CFAP54: variants seen among roughly 807,000 people sequenced by gnomAD.
CFAP54 encodes the protein cilia- and flagella-associated protein 54.
A neutral mutation model predicts 370.4 loss-of-function variants in CFAP54; 290 were observed. The observed-to-expected ratio is 0.78, with a 90% CI of 0.71 to 0.86. CFAP54 has a LOEUF of 0.86. CFAP54 is among the 40% of genes least tolerant of loss of function. CFAP54 has a pLI of 0.00. For synonymous variants in CFAP54, 1,206 were observed against 1,236.5 expected (o/e 0.98, Z 0.52); for missense variants, 3,399 against 3,528.7 (o/e 0.96, Z 0.93).
intron 38 of CFAP54, among the ~76,000 whole-genome samples, chr12:96,662,712 T>A (rs1957009079): frequency 6.6e-6 from 1 of 152,070 alleles, no homozygotes; most frequent in Non-Finnish European, 1.5e-5. Flanking sequence ...CCAGGCAGGT[T>A]TTCACCGCAC....
chr12:96,541,774 T>C (rs1315293871), intron 14 of CFAP54, among the ~76,000 whole-genome samples: 1 of 152,196 alleles, frequency 6.6e-6, no homozygotes, highest in Non-Finnish European at 1.5e-5. Context: ...TCTCCTTTTC[T>C]ATTTTCTTTC....
intron 48 of CFAP54, among the ~76,000 whole-genome samples, chr12:96,716,333 T>G (rs761974343): frequency 1.3e-5 from 2 of 152,274 alleles, no homozygotes; most frequent in Non-Finnish European, 2.9e-5. Context: ...TCAGGGATTT[T>G]GCTGGAAGCA....
chr12:96,741,961 A>G (rs1314418234), intron 51 of CFAP54, among the ~76,000 whole-genome samples: 1 of 152,210 alleles, frequency 6.6e-6, no homozygotes, highest in Non-Finnish European at 1.5e-5. Context: ...CAACTGTAAA[A>G]TGGAAATGAT....
At chr12:96,602,158 C>T (rs921075695) in intron 26 of CFAP54, among the ~76,000 whole-genome samples, 7 of 55,848 alleles carry the variant, frequency 1.3e-4, no homozygotes, top group African/African-American at 3.3e-4. Flanking sequence ...TATGTTTTGT[C>T]TTTGTTCCAT....
intron 43 of CFAP54, 132 bp downstream of exon 43, chr12:96,689,114 C>T (rs1466395555): frequency 9.5e-6 from 5 of 526,442 alleles, no homozygotes; most frequent in Admixed American, 3.6e-5. Context: ...ATGACAAGCC[C>T]GTCTTTCTCT....
rs115230871 is a variant in CFAP54 at position 96,743,885 on chromosome 12, G to A, written c.7532G>A (p.Arg2511Gln). 17 of 1,613,210 alleles carry A rather than the reference G, an allele frequency of 1.1e-5. No individual in the cohort carries two copies. The highest frequency in any genetic ancestry group is 1.7e-4 in the Middle Eastern group (1 of 6,054). Residue 2511 changes from arginine to glutamine, a missense_variant, in exon 54 of 68, where the codon CGG becomes CAG. Physicochemically the swap from Arg to Gln is conservative, Grantham distance 43. Around this residue, in one of 3 missense-constraint regions of CFAP54, gnomAD observed 2,796 missense variants for 2,869.7 expected, o/e 0.97. Transcript: ENST00000524981. ...SKTGKLNLLT[R>Q]AHSILTEQML... The stretch of plus-strand genomic sequence containing the variant: ...ACAGGAAAATTAAATTTGTTAACTC[G>A]GGCTCATAGCATTCTAACTGAACAG...
chr12:96,812,730 T>C (rs1394087947), intron 64 of CFAP54, among the ~76,000 whole-genome samples: 1 of 152,244 alleles, frequency 6.6e-6, no homozygotes, highest in Non-Finnish European at 1.5e-5. Flanking sequence ...TGTCCTTCCT[T>C]TGAGAGTCTT....
At chr12:96,683,598 A>G (rs1957294220) in intron 40 of CFAP54, among the ~76,000 whole-genome samples, 1 of 152,168 alleles carries the variant, frequency 6.6e-6, no homozygotes, top group African/African-American at 2.4e-5. Flanking sequence ...GCCATCTGAC[A>G]TCTTTGGTCT....
At chr12:96,873,298 A>T (rs374409091) in intron 67 of CFAP54, among the ~76,000 whole-genome samples, 19 of 152,230 alleles carry the variant, frequency 1.2e-4, no homozygotes, top group African/African-American at 4.3e-4. Context: ...AGCTGAGATT[A>T]TATCTGAATC....
chr12:96,551,986 C>A (rs990351678), intron 15 of CFAP54, among the ~76,000 whole-genome samples: 1 of 152,132 alleles, frequency 6.6e-6, no homozygotes, highest in Non-Finnish European at 1.5e-5. Flanking sequence ...GTGGCTCATG[C>A]CTGTAATCCC....
intron 47 of CFAP54, among the ~76,000 whole-genome samples, chr12:96,708,377 C>T (rs960481883): frequency 6.6e-6 from 1 of 152,062 alleles, no homozygotes; most frequent in African/African-American, 2.4e-5. Context: ...CAGAGCTGGC[C>T]TCATGAGGCA....
intron 63 of CFAP54, among the ~76,000 whole-genome samples, chr12:96,806,213 T>TATATATATA (rs1392329026): frequency 4.0e-5 from 2 of 49,700 alleles, no homozygotes; most frequent in Non-Finnish European, 7.4e-5. Flanking sequence ...TATATATATA[T>TATATATATA]AATAACAACA....
rs138295014 is a variant in CFAP54, at chr12:96,773,620, A to C, written c.8281+8402A>C. Among the ~76,000 whole-genome samples the C allele has an allele frequency of 8.1e-3, 1,240 of 152,344 alleles. 10 individuals carry two copies. The highest frequency in any genetic ancestry group is 0.011 in the Non-Finnish European group (740 of 68,030). ...CAAATAGTGGTATAACTGTACACAT[A>C]ATAATGCTCCTTGCTCTTTTTTCTT... is the stretch of plus-strand genomic sequence containing the variant. On this transcript the variant is annotated intron_variant, in intron 60 of 67. Coordinates refer to ENST00000524981, the MANE Select transcript of CFAP54 (RefSeq NM_001306084.2).
intron 50 of CFAP54, among the ~76,000 whole-genome samples, chr12:96,727,324 G>A (rs1327405202): frequency 6.6e-6 from 1 of 151,598 alleles, no homozygotes; most frequent in Admixed American, 6.6e-5. Context: ...TCTCTTTGTA[G>A]GTCACTCAGG....
At chr12:96,571,434 C>T (rs147245011) in intron 19 of CFAP54, among the ~76,000 whole-genome samples, 19 of 152,176 alleles carry the variant, frequency 1.2e-4, no homozygotes, top group African/African-American at 4.1e-4. Context: ...GCTGAGTCCC[C>T]GTGATAGGTA....
At chr12:96,803,817 A>G (rs1277998391) in intron 63 of CFAP54, among the ~76,000 whole-genome samples, 1 of 152,196 alleles carries the variant, frequency 6.6e-6, no homozygotes, top group Admixed American at 6.5e-5. Context: ...ATGGAAGGAC[A>G]TAGTTAACAT....
Position 96,647,961 on chromosome 12 carries a change from A to G in CFAP54, c.4634A>G (p.Lys1545Arg). 1 of 1,524,312 alleles carries G rather than the reference A, an allele frequency of 6.6e-7. No individual in the cohort carries two copies. Among genetic ancestry groups the G allele is most frequent in the Non-Finnish European group, 8.7e-7 (1 of 1,143,626 alleles). The allele number at this position is 1,524,312 out of a possible 1,614,324, so 94.4% of individuals were successfully genotyped here. A position where few individuals can be genotyped will look rare whatever the true frequency, so the allele number is the denominator to read the frequency against. Residue 1545 changes from lysine to arginine, a missense_variant, in exon 34 of 68, where the codon AAA (lysine) becomes AGA (arginine). Physicochemically the swap from Lys to Arg is conservative, Grantham distance 26. Coordinates refer to ENST00000524981, the MANE Select transcript of CFAP54 (RefSeq NM_001306084.2). ...PTRKLTVENYKAMLDFLLTAK... is the reference protein window; with the variant it reads ...PTRKLTVENYRAMLDFLLTAK... ...AGAAAATTGACTGTAGAAAATTATA[A>G]AGCAATGCTTGATTTCCTTCTTACA... is the stretch of plus-strand genomic sequence containing the variant.
chr12:96,764,425 C>T (rs1219245379), intron 59 of CFAP54, among the ~76,000 whole-genome samples, 176 bp downstream of exon 59: 1 of 152,090 alleles, frequency 6.6e-6, no homozygotes, highest in Non-Finnish European at 1.5e-5. Flanking sequence ...GAGGTCGAGA[C>T]CAGCCTGGAC....
chr12:96,833,518 G>A (rs951842269), intron 66 of CFAP54, among the ~76,000 whole-genome samples: 63 of 145,950 alleles, frequency 4.3e-4, no homozygotes, highest in South Asian at 3.4e-3. Flanking sequence ...GTGTGTGTGT[G>A]TGTGTGTGTG....
Sources: gnomAD v4.1 joint callset for allele counts (sites outside exome capture counted in the v4.1 genomes callset) on GRCh38, gnomAD v4.1.1 for gene constraint, gnomAD v4.1.1 regional missense constraint, MANE v1.5 for transcripts, NCBI Gene and HGNC (gene_info 2026-07-23, HGNC 2026-07-21) for gene names.